The following DPY19L2 variants were observed in gnomAD, a reference collection of about 807,000 sequenced individuals.
The protein encoded by DPY19L2 is probable C-mannosyltransferase DPY19L2.
DPY19L2 carries 34 observed loss-of-function variants against 97.9 expected under a neutral mutation model. The observed-to-expected ratio is 0.35, with a 90% CI of 0.26 to 0.46. The LOEUF is 0.46. Ranked by LOEUF, DPY19L2 falls within the 20% of genes least tolerant of loss-of-function variation. The pLI is 1.00. For missense variants in DPY19L2, 623 were observed against 911.4 expected (o/e 0.68, Z 4.07); for synonymous variants, 230 against 307.9 (o/e 0.75, Z 2.65).
chr12:63,595,567 T>G (rs1884070566), intron 15 of DPY19L2, among the ~76,000 whole-genome samples: 1 of 152,218 alleles, frequency 6.6e-6, no homozygotes, highest in African/African-American at 2.4e-5. Context: ...CTAACATTGT[T>G]GTCACTGGAC....
chr12:63,587,557 AATTATTATTATT>A (rs201195590), intron 16 of DPY19L2, among the ~76,000 whole-genome samples: 14,890 of 136,224 alleles, frequency 0.11, 1,040 homozygotes, highest in East Asian at 0.26. Flanking sequence ...CATTTTTAAA[AATTATTATTATT>A]ATTATTATTA....
chr12:63,628,834 A>G (rs1171304976), intron 6 of DPY19L2, among the ~76,000 whole-genome samples: 41 of 151,032 alleles, frequency 2.7e-4, no homozygotes, highest in African/African-American at 9.8e-4. Flanking sequence ...GCAGACTGAC[A>G]CCTCACACAG....
intron 3 of DPY19L2, among the ~76,000 whole-genome samples, chr12:63,661,771 T>C (rs1334390052): frequency 6.6e-6 from 1 of 152,148 alleles, no homozygotes; most frequent in East Asian, 1.9e-4. Context: ...AGACAGTATA[T>C]GTTTGATTTT....
chr12:63,663,305 T>G (rs1176783242), intron 3 of DPY19L2, among the ~76,000 whole-genome samples: 1 of 148,934 alleles, frequency 6.7e-6, no homozygotes, highest in Non-Finnish European at 1.5e-5. Context: ...GATTAAGTAT[T>G]GAAAAACAGA....
chr12:63,642,115 T>A (rs1330937623), intron 6 of DPY19L2, among the ~76,000 whole-genome samples: 1 of 152,154 alleles, frequency 6.6e-6, no homozygotes, highest in Non-Finnish European at 1.5e-5. Flanking sequence ...TTCTTCTTTA[T>A]CTTCCCACTC....
At chr12:63,601,607 A>G (rs1885202397) in intron 12 of DPY19L2, among the ~76,000 whole-genome samples, 1 of 152,168 alleles carries the variant, frequency 6.6e-6, no homozygotes, top group African/African-American at 2.4e-5. Context: ...ATAAAGAAGA[A>G]AAGGAAAGAC....
intron 5 of DPY19L2, among the ~76,000 whole-genome samples, chr12:63,645,641 C>T (rs1308920434): frequency 6.6e-6 from 1 of 152,150 alleles, no homozygotes; most frequent in Non-Finnish European, 1.5e-5. Context: ...GTTACTTAAG[C>T]TAGAAACCAA....
At chr12:63,611,304 T>C (rs1312747731) in intron 11 of DPY19L2, among the ~76,000 whole-genome samples, 3 of 151,846 alleles carry the variant, frequency 2.0e-5, no homozygotes, top group Non-Finnish European at 4.4e-5. Context: ...TCAAGTGGCT[T>C]AACTGCATCA....
intron 2 of DPY19L2, among the ~76,000 whole-genome samples, chr12:63,665,588 G>A (rs143017000): frequency 5.9e-5 from 9 of 152,034 alleles, no homozygotes; most frequent in East Asian, 3.8e-4. Context: ...TTAAAGAAAC[G>A]TGTGGTGAAT....
intron 6 of DPY19L2, among the ~76,000 whole-genome samples, chr12:63,641,181 G>A (rs894176268): frequency 2.6e-5 from 4 of 152,084 alleles, no homozygotes; most frequent in African/African-American, 7.2e-5. Context: ...TGAGATTACA[G>A]GAGTGAGCCA....
At chr12:63,570,942 A>G in intron 19 of DPY19L2, 85 bp from the exon 20 acceptor site, 1 of 1,386,062 alleles carries the variant, frequency 7.2e-7, no homozygotes, top group African/African-American at 1.5e-5. Context: ...TGTGAACCCA[A>G]ATTAAGAAGG....
intron 8 of DPY19L2, among the ~76,000 whole-genome samples, chr12:63,623,577 G>C (rs1889045447): frequency 6.6e-6 from 1 of 151,986 alleles, no homozygotes; most frequent in South Asian, 2.1e-4. Context: ...CTTAAATGGA[G>C]AGCAATTTTT....
chr12:63,629,507 G>T (rs1197026786), intron 6 of DPY19L2, among the ~76,000 whole-genome samples: 1 of 152,088 alleles, frequency 6.6e-6, no homozygotes, highest in Non-Finnish European at 1.5e-5. Context: ...GAGAGGAGAA[G>T]TTTAGAGTAA....
chr12:63,668,519 C>T (rs1370389406), upstream of DPY19L2: 3 of 1,014,624 alleles, frequency 3.0e-6, no homozygotes, highest in Admixed American at 5.8e-5. Context: ...TGCGGACCTC[C>T]CGGTCGTCAT....
chr12:63,618,721 C>T (rs1459832884), intron 9 of DPY19L2, among the ~76,000 whole-genome samples: 2 of 152,096 alleles, frequency 1.3e-5, no homozygotes, highest in East Asian at 1.9e-4. Context: ...AACCCATCTA[C>T]GGATCATCTC....
intron 16 of DPY19L2, among the ~76,000 whole-genome samples, chr12:63,586,299 C>G (rs1881789724): frequency 6.6e-6 from 1 of 152,074 alleles, no homozygotes; most frequent in Admixed American, 6.6e-5. Flanking sequence ...TAAGAAAGCA[C>G]CCAGAAAGCA....
chr12:63,641,058 A>C (rs1892617378), intron 6 of DPY19L2, among the ~76,000 whole-genome samples: 1 of 151,770 alleles, frequency 6.6e-6, no homozygotes, highest in East Asian at 1.9e-4. Flanking sequence ...ACGCCCGGCT[A>C]ATTTTTTGTT....
intron 16 of DPY19L2, among the ~76,000 whole-genome samples, chr12:63,589,328 T>C (rs1882420450): frequency 9.0e-6 from 1 of 111,468 alleles, no homozygotes; most frequent in Non-Finnish European, 1.7e-5. Flanking sequence ...AAAGAAAGTT[T>C]GGTAATGTGG....
At chr12:63,637,734 A>G (rs1322647955) in intron 6 of DPY19L2, among the ~76,000 whole-genome samples, 1 of 152,122 alleles carries the variant, frequency 6.6e-6, no homozygotes, top group Non-Finnish European at 1.5e-5. Flanking sequence ...CCAACCAAAA[A>G]AAGTCCAGGA....
Sources: gnomAD v4.1 joint callset for allele counts (sites outside exome capture counted in the v4.1 genomes callset) on GRCh38, gnomAD v4.1.1 for gene constraint, MANE v1.5 for transcripts, NCBI Gene and HGNC (gene_info 2026-07-23, HGNC 2026-07-21) for gene names.